Variants in NEK9 observed in about 807,000 individuals in gnomAD.
The protein encoded by NEK9 is serine/threonine-protein kinase Nek9.
A neutral mutation model predicts 123.4 loss-of-function variants in NEK9; 75 were observed. That is an observed-to-expected ratio of 0.61 (90% CI 0.50 to 0.74). The LOEUF (loss-of-function observed/expected upper bound fraction) is 0.74. Ranked by LOEUF, NEK9 falls within the 30% of genes least tolerant of loss-of-function variation. The pLI is 0.00. For missense variants in NEK9, 952 were observed against 1,214.4 expected (o/e 0.78, Z 3.21); for synonymous variants, 438 against 458.7 (o/e 0.95, Z 0.58).
intron 8 of NEK9, 106 bp from the exon 9 acceptor site, chr14:75,110,477 G>T: frequency 1.2e-6 from 1 of 820,410 alleles, no homozygotes; most frequent in Non-Finnish European, 2.0e-6. Context: ...TAAACTGTAT[G>T]CATCCTACAA....
intron 6 of NEK9, among the ~76,000 whole-genome samples, chr14:75,115,750 C>T (rs1895120963): frequency 6.6e-6 from 1 of 152,076 alleles, no homozygotes; most frequent in Non-Finnish European, 1.5e-5. Flanking sequence ...CACTTGGGAG[C>T]TTGTTAGAAA....
intron 10 of NEK9, among the ~76,000 whole-genome samples, chr14:75,108,110 TTGA>T (rs1387670518): frequency 1.3e-5 from 2 of 152,020 alleles, no homozygotes; most frequent in Non-Finnish European, 2.9e-5. Context: ...AGACTAGTCC[TTGA>T]TGACTTTTCA....
intron 21 of NEK9, 123 bp downstream of exon 21, chr14:75,086,895 A>T: frequency 1.0e-6 from 1 of 1,000,122 alleles, no homozygotes; most frequent in Non-Finnish European, 1.5e-6. Flanking sequence ...ACAGAGCGAG[A>T]CTCCGTCTCA....
chr14:75,115,972 G>A (rs1379575957), intron 6 of NEK9, among the ~76,000 whole-genome samples: 1 of 152,022 alleles, frequency 6.6e-6, no homozygotes, highest in Non-Finnish European at 1.5e-5. Flanking sequence ...CCTAGTTAAT[G>A]AATATTTTTA....
chr14:75,084,623 C>T lies in NEK9; in HGVS notation c.2881G>A (p.Asp961Asn), dbSNP rs377136228. Residue 961 changes from aspartate to asparagine, a missense_variant, in exon 22 of 22, where the codon GAC becomes AAC. Asp to Asn is a conservative substitution (Grantham distance 23). This residue lies in a region of NEK9 where 698 missense variants were observed against 875.6 expected (regional missense o/e 0.80). Coordinates refer to ENST00000238616, the MANE Select transcript of NEK9 (RefSeq NM_033116.6). ...KEEMEMDPKPDLDSDSWCLLG... is the reference protein window; with the variant it reads ...KEEMEMDPKPNLDSDSWCLLG... ...AGGCACCAGGAATCTGAATCTAAGT[C>T]AGGCTTTGGATCCATTTCCATCTCT... 22 of 1,614,066 alleles carry T rather than the reference C, an allele frequency of 1.4e-5. No homozygotes were observed. In the African/African-American group the frequency reaches 1.5e-4, roughly 11 times the overall value.
chr14:75,112,371 G>A (rs1276443446), intron 8 of NEK9, among the ~76,000 whole-genome samples: 1 of 152,132 alleles, frequency 6.6e-6, no homozygotes, highest in African/African-American at 2.4e-5. Flanking sequence ...AGGAACAGAG[G>A]GATAAAGGAT....
In NEK9 at chr14:75,110,312, G is replaced by A; in HGVS notation, c.989+9C>T. ...ATATATTAGTTTTTAAGAGTCTCTT[G>A]AACATTACCTTGGTCTCTTTGTAGG... On this transcript the variant is annotated intron_variant, in intron 9 of 21. Transcript: ENST00000238616. 1.2e-6 allele frequency: 2 copies of A among 1,607,380 alleles called. No individual in the cohort carries two copies. The highest frequency in any genetic ancestry group is 4.5e-5 in the East Asian group (2 of 44,838).
chr14:75,121,195 GA>G lies in NEK9; in HGVS notation c.398-22del, dbSNP rs1241053214. ...CCCTCCTGCAATTAAACAAGACACAGATTTGAATTGCTTAATACAGATCAAA... is the reference window on the plus strand; with the variant it reads ...CCCTCCTGCAATTAAACAAGACACAGTTTGAATTGCTTAATACAGATCAAA... On this transcript the variant is annotated intron_variant, in intron 2 of 21. Transcript: ENST00000238616. 2.5e-6 allele frequency: 4 copies of G among 1,598,234 alleles called. No individual in the cohort carries two copies. The African/African-American group carries it at 5.4e-5, about 21-fold the overall frequency.
At chr14:75,106,444 A>C in intron 12 of NEK9, 58 bp downstream of exon 12, 2 of 1,555,102 alleles carry the variant, frequency 1.3e-6, no homozygotes, top group Non-Finnish European at 1.8e-6. Context: ...GATGCATACA[A>C]CTTTGAAGTC....
chr14:75,116,095 T>C (rs1895133329), intron 6 of NEK9, among the ~76,000 whole-genome samples: 2 of 152,206 alleles, frequency 1.3e-5, no homozygotes, highest in South Asian at 4.1e-4. Context: ...AAAGTGATAC[T>C]GGTGCTATGT....
chr14:75,091,000 T>C (rs1325800320), intron 19 of NEK9, among the ~76,000 whole-genome samples: 1 of 152,252 alleles, frequency 6.6e-6, no homozygotes, highest in African/African-American at 2.4e-5. Flanking sequence ...TTTATATACA[T>C]GTACTACAAA....
intron 3 of NEK9, chr14:75,120,796 T>C (rs982126351): frequency 5.2e-6 from 3 of 581,400 alleles, no homozygotes; most frequent in Non-Finnish European, 9.1e-6. Context: ...CCAATGTCAT[T>C]ATAATATATA....
upstream of NEK9, chr14:75,127,128 G>A (rs1361644391): frequency 1.9e-6 from 1 of 516,232 alleles, no homozygotes; most frequent in East Asian, 3.5e-5. Flanking sequence ...TTACCCTCTT[G>A]GCTAGTCTAG....
rs115629161 is a variant in NEK9 at position 75,121,740 on chromosome 14, A to G, written c.398-566T>C. Among the ~76,000 whole-genome samples the G allele has an allele frequency of 9.7e-4, 148 of 152,292 alleles. 1 individual carries two copies. Among genetic ancestry groups the G allele is most frequent in the African/African-American group, 3.4e-3 (142 of 41,574 alleles). The stretch of plus-strand genomic sequence containing the variant: ...GGGGCATGTGCCTGTGGTCCCAGCT[A>G]ATCAGGAGGCTAAGGTGGGAGGGTC... On this transcript the variant is annotated intron_variant, in intron 2 of 21. Coordinates refer to ENST00000238616, the MANE Select transcript of NEK9 (RefSeq NM_033116.6).
Position 75,118,915 on chromosome 14 carries a change from A to C in NEK9, c.545T>G (p.Ile182Ser). The change falls in exon 5 of 22, where the codon ATT becomes AGT. Residue 182 changes from isoleucine to serine, a missense_variant. Physicochemically the swap from Ile to Ser is moderately radical, Grantham distance 142. Around this residue, in one of 4 missense-constraint regions of NEK9, gnomAD observed 106 missense variants for 153.0 expected, o/e 0.69. Coordinates refer to ENST00000238616, the MANE Select transcript of NEK9 (RefSeq NM_033116.6). The stretch of plus-strand genomic sequence containing the variant: ...TATCAGGTTTGCCTTGGTCAGAAAA[A>C]TATTTAATGTCTTTATATCTCTGAA... ...ILHRDIKTLN[I>S]FLTKANLIKL... is the part of the protein sequence containing the mutation. The C allele has an allele frequency of 6.3e-7, 1 of 1,580,704 alleles. No homozygotes were observed. Among genetic ancestry groups the C allele is most frequent in the Non-Finnish European group, 8.7e-7 (1 of 1,150,326 alleles).
chr14:75,114,227 T>G lies in NEK9; in HGVS notation c.849A>C (p.Gln283His). The change falls in exon 7 of 22, where the codon CAA (glutamine) becomes CAC (histidine). Residue 283 changes from glutamine to histidine, a missense_variant. Gln to His is a conservative substitution (Grantham distance 24). Around this residue, in one of 4 missense-constraint regions of NEK9, gnomAD observed 698 missense variants for 875.6 expected, o/e 0.80. Transcript: ENST00000238616. ...DSSQYSLELI[Q>H]MVHSCLDQDP... ...CCTGGTCAAGGCACGAATGAACCAT[T>G]TGGATCAATTCCAAAGAGTACTGGC... 3.1e-6 allele frequency: 5 copies of G among 1,613,864 alleles called. No individual in the cohort carries two copies. Among genetic ancestry groups the G allele is most frequent in the Non-Finnish European group, 4.2e-6 (5 of 1,179,754 alleles).
chr14:75,096,048 C>T (rs1052668885), intron 17 of NEK9, among the ~76,000 whole-genome samples: 59 of 152,102 alleles, frequency 3.9e-4, no homozygotes, highest in African/African-American at 1.4e-3. Context: ...CTTTGGGAGG[C>T]CGAGGCAGGC....
chr14:75,104,421 C>G (rs1781500484), intron 13 of NEK9, among the ~76,000 whole-genome samples: 1 of 151,722 alleles, frequency 6.6e-6, no homozygotes, highest in South Asian at 2.1e-4. Flanking sequence ...CCACCTTGGC[C>G]TCCCAAAGTG....
In NEK9 at chr14:75,100,826, G is replaced by C. The variant is rs115060381; in HGVS notation, c.2002+166C>G. Among the ~76,000 whole-genome samples, 3,466 of 152,262 alleles carry C rather than the reference G, an allele frequency of 0.023. 86 individuals carry two copies. Among genetic ancestry groups the C allele is most frequent in the African/African-American group, 0.058 (2,404 of 41,534 alleles). On this transcript the variant is annotated intron_variant, in intron 16 of 21. Transcript: ENST00000238616. The stretch of plus-strand genomic sequence containing the variant: ...AAAACAATCACTATGTTGAACACAT[G>C]AAAAGTTAATAAAGCTCAATATATA...
Sources: allele counts gnomAD v4.1 joint callset (sites outside exome capture counted in the v4.1 genomes callset), GRCh38; gene constraint gnomAD v4.1.1; regional missense constraint gnomAD v4.1.1; transcripts MANE v1.5; gene names NCBI Gene and HGNC (gene_info 2026-07-23, HGNC 2026-07-21).